The following DCC variants were observed in gnomAD, a reference collection of about 807,000 sequenced individuals.
The protein encoded by DCC is netrin receptor DCC.
A neutral mutation model predicts 172.5 loss-of-function variants in DCC; 58 were observed. The ratio of observed to expected loss-of-function variants is 0.34; its 90% CI spans 0.27 to 0.42. The LOEUF is 0.42. Among genes scored for constraint, DCC ranks in the 10% least tolerant of loss-of-function variants. The probability of loss-of-function intolerance (pLI) is 1.00; values close to 1 mark genes in which losing one functional copy is unlikely to be tolerated. For synonymous variants in DCC, 709 were observed against 644.5 expected, an observed-to-expected ratio of 1.10 and a Z score of -1.52; for missense variants, 1,740 against 1,791.0, an observed-to-expected ratio of 0.97 and a Z score of 0.51.
intron 17 of DCC, 137 bp from the exon 18 acceptor site, chr18:53,397,171 G>C (rs1909006178): frequency 3.9e-6 from 3 of 768,390 alleles, no homozygotes; most frequent in Admixed American, 4.0e-5. Flanking sequence ...ATTCGAGTCA[G>C]TGCTATGCTC....
intron 6 of DCC, among the ~76,000 whole-genome samples, chr18:53,065,054 A>G (rs1409841938): frequency 6.6e-6 from 1 of 152,176 alleles, no homozygotes; most frequent in African/African-American, 2.4e-5. Flanking sequence ...ATTGTGCTTA[A>G]AAATATTTCC....
At chr18:52,891,008 C>G (rs16955798) in intron 2 of DCC, among the ~76,000 whole-genome samples, 3,056 of 152,122 alleles carry the variant, frequency 0.02, 78 homozygotes, top group African/African-American at 0.055. Flanking sequence ...GTTCTATCTA[C>G]AAAACCAATT....
At chr18:52,928,026 C>G (rs1369158374) in intron 5 of DCC, among the ~76,000 whole-genome samples, 1 of 152,074 alleles carries the variant, frequency 6.6e-6, no homozygotes, top group South Asian at 2.1e-4. Flanking sequence ...AAATGCCAAT[C>G]AGTGGTAGAC....
At chr18:53,064,585 T>A (rs2042541208) in intron 6 of DCC, among the ~76,000 whole-genome samples, 1 of 152,176 alleles carries the variant, frequency 6.6e-6, no homozygotes, top group Admixed American at 6.6e-5. Flanking sequence ...GAAACTTTCA[T>A]AATATCTGTG....
chr18:52,735,616 A>G lies in DCC; in HGVS notation c.92-16438A>G, dbSNP rs2036714960. Among the ~76,000 whole-genome samples the G allele has an allele frequency of 2.1e-5, 3 of 143,382 alleles. No homozygotes were observed. In the South Asian group the frequency reaches 7.0e-4, roughly 34 times the overall value. The allele number at this position is 143,382 out of a possible 152,430, so 94.1% of individuals were successfully genotyped here. A position where few individuals can be genotyped will look rare whatever the true frequency, so the allele number is the denominator to read the frequency against. On this transcript the variant is annotated intron_variant, in intron 1 of 28. Coordinates refer to ENST00000442544, the MANE Select transcript of DCC (RefSeq NM_005215.4). The stretch of plus-strand genomic sequence containing the variant: ...CAAGAGGCTGTGGCAAATCACTGGT[A>G]TAAGTCCAAAAGTCCAAAAGCTGAT...
At chr18:53,206,198 A>G (rs1197115898) in intron 10 of DCC, among the ~76,000 whole-genome samples, 1 of 3,518 alleles carries the variant, frequency 2.8e-4, no homozygotes, top group African/African-American at 1.2e-3. Flanking sequence ...ACGTATACAT[A>G]TATAATACAT....
intron 1 of DCC, among the ~76,000 whole-genome samples, chr18:52,390,306 G>T (rs1333833161): frequency 6.6e-6 from 1 of 151,960 alleles, no homozygotes; most frequent in Admixed American, 6.6e-5. Context: ...AGCTCTACCT[G>T]CTGGGAGACA....
At chr18:52,910,018 G>T (rs2039947914) in intron 3 of DCC, among the ~76,000 whole-genome samples, 1 of 152,122 alleles carries the variant, frequency 6.6e-6, no homozygotes, top group Non-Finnish European at 1.5e-5. Context: ...TGTTTGACTG[G>T]CTCATAGGCA....
At chr18:53,387,746 A>C (rs1350768228) in intron 16 of DCC, among the ~76,000 whole-genome samples, 2 of 152,150 alleles carry the variant, frequency 1.3e-5, no homozygotes, top group East Asian at 3.8e-4. Flanking sequence ...TGTCCTGCCT[A>C]TGGTAAAAGA....
chr18:53,058,143 C>T (rs374064775), intron 5 of DCC, among the ~76,000 whole-genome samples: 2 of 152,094 alleles, frequency 1.3e-5, no homozygotes, highest in African/African-American at 4.8e-5. Flanking sequence ...CATATTCACT[C>T]TTTAGTCAGT....
intron 1 of DCC, among the ~76,000 whole-genome samples, chr18:52,688,387 A>G (rs2035875868): frequency 6.6e-6 from 1 of 152,132 alleles, no homozygotes; most frequent in Non-Finnish European, 1.5e-5. Flanking sequence ...TCATATGTTT[A>G]TGTTAGAATT....
At chr18:52,935,299 CTTTA>C (rs916132573) in intron 5 of DCC, among the ~76,000 whole-genome samples, 6 of 151,984 alleles carry the variant, frequency 3.9e-5, no homozygotes, top group East Asian at 3.9e-4. Context: ...GCTATCATCC[CTTTA>C]TTTAATAATT....
At chr18:52,524,371 T>A (rs2031914163) in intron 1 of DCC, among the ~76,000 whole-genome samples, 1 of 152,210 alleles carries the variant, frequency 6.6e-6, no homozygotes, top group African/African-American at 2.4e-5. Flanking sequence ...AGGTTGATTA[T>A]TTGCAATGCT....
intron 5 of DCC, among the ~76,000 whole-genome samples, chr18:52,961,997 T>C (rs1044036946): frequency 6.6e-6 from 1 of 152,060 alleles, no homozygotes; most frequent in African/African-American, 2.4e-5. Flanking sequence ...CCTAAAACCA[T>C]AAAAACCCTA....
intron 1 of DCC, among the ~76,000 whole-genome samples, chr18:52,650,132 C>T (rs1249454996): frequency 6.6e-6 from 1 of 151,972 alleles, no homozygotes; most frequent in Non-Finnish European, 1.5e-5. Flanking sequence ...GAATGTACCA[C>T]CACGCCTCGC....
At chr18:53,340,047 T>TACACACACACACACAC (rs151131015) in intron 15 of DCC, 140 bp downstream of exon 15, 9 of 592,152 alleles carry the variant, frequency 1.5e-5, no homozygotes, top group Admixed American at 4.8e-5. Context: ...ACTGTCTATC[T>TACACACACACACACAC]ACACACACAC....
chr18:53,076,060 G>T (rs573856515), intron 7 of DCC, among the ~76,000 whole-genome samples: 2 of 152,290 alleles, frequency 1.3e-5, no homozygotes, highest in South Asian at 4.1e-4. Flanking sequence ...TCATCAGAAT[G>T]CCAATCATAT....
intron 5 of DCC, among the ~76,000 whole-genome samples, chr18:52,929,868 G>A (rs1241256565): frequency 1.5e-5 from 2 of 137,122 alleles, no homozygotes; most frequent in Non-Finnish European, 3.2e-5. Context: ...ACACACTCAC[G>A]TTTGTTTTCT....
intron 5 of DCC, among the ~76,000 whole-genome samples, chr18:52,953,412 C>A (rs2040691038): frequency 6.6e-6 from 1 of 152,160 alleles, no homozygotes; most frequent in African/African-American, 2.4e-5. Context: ...TGACCCAGTC[C>A]AAATTCTCCC....
Sources: gnomAD v4.1 joint callset for allele counts (sites outside exome capture counted in the v4.1 genomes callset) on GRCh38, gnomAD v4.1.1 for gene constraint, MANE v1.5 for transcripts, NCBI Gene and HGNC (gene_info 2026-07-23, HGNC 2026-07-21) for gene names.